The following PDE9A variants were observed in gnomAD, a reference collection of about 807,000 sequenced individuals.
PDE9A encodes high affinity cGMP-specific 3',5'-cyclic phosphodiesterase 9A.
Under a neutral mutation model 87.4 loss-of-function variants are expected in PDE9A, and 60 were observed. That is an observed-to-expected ratio of 0.69 (90% CI 0.56 to 0.85). The LOEUF is 0.85. PDE9A is among the 40% of genes least tolerant of loss of function. The pLI, the probability that PDE9A is intolerant of heterozygous loss-of-function variation, is 0.00. For missense variants in PDE9A, 665 were observed against 779.0 expected (o/e 0.85, Z 1.74); for synonymous variants, 272 against 279.4 (o/e 0.97, Z 0.27).
chr21:42,696,175 A>G lies in PDE9A; in HGVS notation c.219-2793A>G, dbSNP rs2060130612. 6.6e-6 allele frequency among the ~76,000 whole-genome samples: 1 copy of G among 152,106 alleles called. No homozygotes were observed. Among genetic ancestry groups the G allele is most frequent in the Admixed American group, 6.5e-5 (1 of 15,276 alleles). Reference sequence around the variant, plus strand: ...GGCCCAGTGCCCCTGTATGAGGGGAAGTTGTCTTGGTAAGCCTGTTTTTGT... The same window carrying G: ...GGCCCAGTGCCCCTGTATGAGGGGAGGTTGTCTTGGTAAGCCTGTTTTTGT... On this transcript the variant is annotated intron_variant, in intron 3 of 19. Transcript: ENST00000291539. This position sits in a 1 kb window ranked among gnomAD's most constrained non-coding sequence, Gnocchi z 5.1.
In PDE9A at chr21:42,692,736, G is replaced by A. The variant is rs2059920688; in HGVS notation, c.218+4742G>A. Among the ~76,000 whole-genome samples the A allele has an allele frequency of 6.6e-6, 1 of 152,152 alleles. No homozygotes were observed. The highest frequency in any genetic ancestry group is 1.9e-4 in the East Asian group (1 of 5,178). ...CGTCCCTCTTCCCTCGCCGGCAGGT[G>A]ACGTTACTGGCCTTTTCTTTTTTGG... On this transcript the variant is annotated intron_variant, in intron 3 of 19. Transcript: ENST00000291539. This position sits in a 1 kb window ranked among gnomAD's most constrained non-coding sequence, Gnocchi z 4.3.
chr21:42,696,561 C>T lies in PDE9A; in HGVS notation c.219-2407C>T, dbSNP rs1282010148. On this transcript the variant is annotated intron_variant, in intron 3 of 19. Transcript: ENST00000291539. This position sits in a 1 kb window ranked among gnomAD's most constrained non-coding sequence, Gnocchi z 5.1. ...ACCCACTGCACCATTTCCAGGGCTG[C>T]TCTCATGGTGGGAGCCGGAGAGACA... Among the ~76,000 whole-genome samples, 3 of 152,124 alleles carry T rather than the reference C, an allele frequency of 2.0e-5. No individual in the cohort carries two copies. The highest frequency in any genetic ancestry group is 2.9e-5 in the Non-Finnish European group (2 of 68,022).
In PDE9A at chr21:42,765,630, T is replaced by C. The variant is rs919443317; in HGVS notation, c.1356+136T>C. ...AACAAGGTGTCTATAAATCTGGTTT[T>C]CAAGGTCATGACTCTTACTAGGAAA... On this transcript the variant is annotated intron_variant, in intron 15 of 19. Transcript: ENST00000291539. The C allele has an allele frequency of 5.8e-6, 4 of 695,068 alleles. No homozygotes were observed. The African/African-American group carries it at 7.1e-5, about 12-fold the overall frequency. The allele number at this position is 695,068 out of a possible 1,614,324, so 43.1% of individuals were successfully genotyped here.
chr21:42,662,353 C>A (rs1049158616), intron 1 of PDE9A, among the ~76,000 whole-genome samples: 1 of 152,056 alleles, frequency 6.6e-6, no homozygotes, highest in Non-Finnish European at 1.5e-5. Flanking sequence ...CCCATCCACC[C>A]TCCCCCTACC....
At chr21:42,707,615 C>T (rs2048949624) in intron 4 of PDE9A, among the ~76,000 whole-genome samples, 1 of 152,116 alleles carries the variant, frequency 6.6e-6, no homozygotes, top group Admixed American at 6.5e-5. Context: ...CCTCCAAATG[C>T]ACCACTAGCC....
chr21:42,694,173 C>G lies in PDE9A; in HGVS notation c.219-4795C>G, dbSNP rs1302565046. ...AGACAGCAGCCCTCTCCCTCTAGCT[C>G]AGAAGCTACGTCAGCAGTTGGTTGG... On this transcript the variant is annotated intron_variant, in intron 3 of 19. Transcript: ENST00000291539. This position sits in a 1 kb window ranked among gnomAD's most constrained non-coding sequence, Gnocchi z 5.3. 2.4e-4 allele frequency among the ~76,000 whole-genome samples: 36 copies of G among 152,208 alleles called. No homozygotes were observed. Among genetic ancestry groups the G allele is most frequent in the Admixed American group, 2.4e-3 (36 of 15,278 alleles).
chr21:42,770,837 A>G lies in PDE9A; in HGVS notation c.1686+39A>G, dbSNP rs576839954. The stretch of plus-strand genomic sequence containing the variant: ...AGAAGAGCCTGCCTTCCTTGCGGCA[A>G]GCAGGCACGCTGCCCTCCGCACTCC... On this transcript the variant is annotated intron_variant, in intron 18 of 19. Transcript: ENST00000291539. 2.0e-6 allele frequency: 3 copies of G among 1,504,482 alleles called. No individual in the cohort carries two copies. The Admixed American group carries it at 5.0e-5, about 25-fold the overall frequency. 93.2% of individuals were successfully genotyped at this position (1,504,482 alleles called of 1,614,324 possible).
chr21:42,662,858 TCACACACGTACACAC>T (rs1431312402), intron 1 of PDE9A, among the ~76,000 whole-genome samples: 1 of 98,726 alleles, frequency 1.0e-5, no homozygotes, highest in Non-Finnish European at 2.0e-5. Flanking sequence ...CACATGCACA[TCACACACGTACACAC>T]CACACACAGC....
chr21:42,740,860 T>C (rs999602132), intron 7 of PDE9A, among the ~76,000 whole-genome samples: 4 of 152,164 alleles, frequency 2.6e-5, no homozygotes, highest in African/African-American at 9.7e-5. Flanking sequence ...CACACATTAA[T>C]ACAAATAATA....
intron 4 of PDE9A, among the ~76,000 whole-genome samples, chr21:42,719,639 CAAAAAAAAAA>C (rs35644198): frequency 7.6e-6 from 1 of 131,150 alleles, no homozygotes; most frequent in South Asian, 2.5e-4. Context: ...GAGTCTGTCT[CAAAAAAAAAA>C]AAAAAAAAAA....
intron 4 of PDE9A, among the ~76,000 whole-genome samples, chr21:42,727,481 G>A (rs1319828919): frequency 2.1e-5 from 3 of 140,824 alleles, no homozygotes; most frequent in African/African-American, 2.7e-5. Flanking sequence ...ATGCCACCAC[G>A]CCTGGCTATT....
chr21:42,766,570 C>T (rs1368245251), intron 15 of PDE9A, among the ~76,000 whole-genome samples: 3 of 152,310 alleles, frequency 2.0e-5, no homozygotes, highest in East Asian at 3.9e-4. Context: ...TAGGACTCAT[C>T]GCTCTCTGGA....
At chr21:42,768,442 A>T in intron 16 of PDE9A, 150 bp downstream of exon 16, 2 of 1,059,468 alleles carry the variant, frequency 1.9e-6, no homozygotes, top group Non-Finnish European at 1.3e-6. Context: ...GGGTAAGCGT[A>T]CATCAGAAAC....
At chr21:42,662,944 A>G (rs1267107801) in intron 1 of PDE9A, among the ~76,000 whole-genome samples, 1 of 148,700 alleles carries the variant, frequency 6.7e-6, no homozygotes, top group Non-Finnish European at 1.5e-5. Context: ...CACACCACGC[A>G]CACGCACATC....
Position 42,693,299 on chromosome 21 carries a change from CTT to C in PDE9A, c.218+5321_218+5322del, listed in dbSNP as rs10714757. 1.7e-3 allele frequency among the ~76,000 whole-genome samples: 220 copies of C among 133,290 alleles called. 1 individual carries two copies. The highest frequency in any genetic ancestry group is 3.7e-3 in the South Asian group (15 of 4,066). The allele number at this position is 133,290 out of a possible 152,430, so 87.4% of individuals were successfully genotyped here. On this transcript the variant is annotated intron_variant, in intron 3 of 19. Transcript: ENST00000291539. ...CTGCAGATTGCAACCACCCAGGAAT[CTT>C]TTTTTTTTTTTTTTTGAGACGGAGT...
chr21:42,743,924 T>C (rs892675212), intron 8 of PDE9A, 64 bp downstream of exon 8: 109 of 908,530 alleles, frequency 1.2e-4, no homozygotes, highest in Non-Finnish European at 1.8e-4. Context: ...CCAGTTGGGC[T>C]GGGGCTGTGG....
At chr21:42,737,192 G>A (rs910509309) in intron 7 of PDE9A, among the ~76,000 whole-genome samples, 4 of 152,342 alleles carry the variant, frequency 2.6e-5, no homozygotes, top group East Asian at 1.9e-4. Flanking sequence ...CCGACACCCC[G>A]ATGCACAGGG....
At chr21:42,767,287 C>T (rs1018796274) in intron 15 of PDE9A, among the ~76,000 whole-genome samples, 18 of 152,128 alleles carry the variant, frequency 1.2e-4, no homozygotes, top group African/African-American at 4.1e-4. Flanking sequence ...TTGACCTTCC[C>T]CAGAGACACT....
rs2147087229 is a variant in PDE9A, at chr21:42,759,624, TG to T, written c.897+542del. On this transcript the variant is annotated intron_variant, in intron 11 of 19. Coordinates refer to ENST00000291539, the MANE Select transcript of PDE9A (RefSeq NM_002606.3). The surrounding 1 kb of genome is among the most constrained non-coding windows in gnomAD (Gnocchi z 7.2). ...GAATGTGTGGTGGGAGTGTGTGGGGTGGGAGTAGGAGTGTGGAGGTGTGTCT... is the reference window on the plus strand; with the variant it reads ...GAATGTGTGGTGGGAGTGTGTGGGGTGGAGTAGGAGTGTGGAGGTGTGTCT... Among the ~76,000 whole-genome samples the T allele has an allele frequency of 6.7e-6, 1 of 148,278 alleles. No homozygotes were observed. The highest frequency in any genetic ancestry group is 2.0e-4 in the East Asian group (1 of 5,038).
Sources: allele counts gnomAD v4.1 joint callset (sites outside exome capture counted in the v4.1 genomes callset), GRCh38; gene constraint gnomAD v4.1.1; non-coding constraint Gnocchi (gnomAD v3.1); transcripts MANE v1.5; gene names NCBI Gene and HGNC (gene_info 2026-07-23, HGNC 2026-07-21).